TRAK1: variants seen among roughly 807,000 people sequenced by gnomAD.
TRAK1 encodes the protein trafficking kinesin-binding protein 1.
TRAK1 carries 33 observed loss-of-function variants against 92.1 expected under a neutral mutation model. That is an observed-to-expected ratio of 0.36 (90% CI 0.27 to 0.48). The LOEUF (loss-of-function observed/expected upper bound fraction) is 0.48, where lower values mean the gene tolerates loss of function less well. Ranked by LOEUF, TRAK1 falls within the 20% of genes least tolerant of loss-of-function variation. TRAK1 has a pLI of 0.99. For synonymous variants in TRAK1, 521 were observed against 517.3 expected, an observed-to-expected ratio of 1.01 and a Z score of -0.10; for missense variants, 1,123 against 1,257.9, an observed-to-expected ratio of 0.89 and a Z score of 1.62.
At chr3:42,124,379 G>A (rs1710292622) in intron 1 of TRAK1, among the ~76,000 whole-genome samples, 1 of 152,182 alleles carries the variant, frequency 6.6e-6, no homozygotes, top group Non-Finnish European at 1.5e-5. Context: ...GCCAGAATTA[G>A]TTGATAGATA....
chr3:42,181,566 G>A (rs1255841114), intron 3 of TRAK1, among the ~76,000 whole-genome samples: 1 of 152,080 alleles, frequency 6.6e-6, no homozygotes, highest in Non-Finnish European at 1.5e-5. Flanking sequence ...AAAATGTGGC[G>A]AAGGCATGCA....
At chr3:42,218,988 C>T (rs1331781348) in intron 14 of TRAK1, 2 of 985,278 alleles carry the variant, frequency 2.0e-6, no homozygotes, top group East Asian at 2.3e-4. Context: ...CCCCAGGCCC[C>T]TTTTTGTGTA....
intron 1 of TRAK1, among the ~76,000 whole-genome samples, chr3:42,122,153 A>G (rs980155476): frequency 6.6e-6 from 1 of 152,082 alleles, no homozygotes; most frequent in East Asian, 1.9e-4. Flanking sequence ...TCATAGCCTT[A>G]CCTTTTGATA....
intron 2 of TRAK1, among the ~76,000 whole-genome samples, chr3:42,159,256 G>T (rs1700960607): frequency 6.6e-6 from 1 of 152,120 alleles, no homozygotes; most frequent in Non-Finnish European, 1.5e-5. Context: ...TTGGCTACCT[G>T]GGGGAGGCAG....
chr3:42,082,223 G>A (rs73062448), upstream of TRAK1, among the ~76,000 whole-genome samples: 1,324 of 152,310 alleles, frequency 8.7e-3, 12 homozygotes, highest in Non-Finnish European at 0.012. Context: ...TATTGATCAT[G>A]ATTTAGGCCA....
chr3:42,149,517 C>T (rs1230557596), intron 2 of TRAK1: 3 of 1,536,092 alleles, frequency 2.0e-6, no homozygotes, highest in Middle Eastern at 1.7e-4. Context: ...CCATTCTTTC[C>T]TCTGCAAGAC....
At chr3:42,095,665 T>C (rs1033270894) in intron 1 of TRAK1, among the ~76,000 whole-genome samples, 4 of 152,222 alleles carry the variant, frequency 2.6e-5, no homozygotes, top group Non-Finnish European at 5.9e-5. Context: ...CACATACTAT[T>C]ACCTTATTCT....
chr3:42,031,847 TCAGGGAC>T (rs1447796290), intron 1 of TRAK1, among the ~76,000 whole-genome samples: 3 of 152,120 alleles, frequency 2.0e-5, no homozygotes, highest in Admixed American at 2.0e-4. Context: ...GATCAGAATT[TCAGGGAC>T]CAGGGAGAGT....
chr3:42,045,500 A>C (rs563149941), intron 1 of TRAK1, among the ~76,000 whole-genome samples: 1 of 151,944 alleles, frequency 6.6e-6, no homozygotes, highest in Non-Finnish European at 1.5e-5. Context: ...ATGCCACTAC[A>C]CTCTAGCTTG....
chr3:42,146,157 A>T (rs578069592), intron 2 of TRAK1: 2 of 386,986 alleles, frequency 5.2e-6, no homozygotes, highest in South Asian at 2.6e-5. Flanking sequence ...AAACCATTTC[A>T]TCTCAACAAG....
intron 1 of TRAK1, among the ~76,000 whole-genome samples, chr3:42,097,933 CTA>C (rs1206602141): frequency 6.6e-6 from 1 of 152,226 alleles, no homozygotes; most frequent in Non-Finnish European, 1.5e-5. Flanking sequence ...ATACTGACAA[CTA>C]TGTGAACACC....
At chr3:42,076,818 G>A (rs2148945336) in intron 1 of TRAK1, among the ~76,000 whole-genome samples, 1 of 152,304 alleles carries the variant, frequency 6.6e-6, no homozygotes, top group South Asian at 2.1e-4. Context: ...TGTGGCAGAA[G>A]GAAGGGGTCT....
At chr3:42,157,152 G>GA (rs778292703) in intron 2 of TRAK1, among the ~76,000 whole-genome samples, 188 of 139,392 alleles carry the variant, frequency 1.3e-3, no homozygotes, top group Middle Eastern at 3.6e-3. Context: ...ACTCTGTCTG[G>GA]AAAAAAAAAA....
chr3:42,208,672 G>A (rs571840558), intron 13 of TRAK1, among the ~76,000 whole-genome samples: 5 of 152,186 alleles, frequency 3.3e-5, no homozygotes, highest in Non-Finnish European at 7.3e-5. Context: ...CCTGCCTTTC[G>A]GTGCCCGAGA....
upstream of TRAK1, among the ~76,000 whole-genome samples, chr3:42,084,287 T>C (rs987213504): frequency 2.6e-5 from 4 of 152,162 alleles, no homozygotes; most frequent in Non-Finnish European, 5.9e-5. Context: ...CATCACTTAA[T>C]TGAAATAGAC....
At chr3:42,115,564 A>G (rs539614750) in intron 1 of TRAK1, among the ~76,000 whole-genome samples, 26 of 152,316 alleles carry the variant, frequency 1.7e-4, no homozygotes, top group African/African-American at 5.5e-4. Flanking sequence ...GTGGAACTCA[A>G]CTGTGTAATT....
At chr3:42,148,784 A>G (rs1469291662) in intron 2 of TRAK1, among the ~76,000 whole-genome samples, 4 of 152,200 alleles carry the variant, frequency 2.6e-5, no homozygotes, top group African/African-American at 7.2e-5. Context: ...AGTAATTTAC[A>G]TTTCCTTTAA....
rs1385576536 is a variant in TRAK1 at position 42,220,603 on chromosome 3, G to T, written c.2066+1007G>T. 4.1e-6 allele frequency: 4 copies of T among 985,306 alleles called. No homozygotes were observed. In the South Asian group the frequency reaches 1.4e-4, roughly 35 times the overall value. 61.0% of individuals were successfully genotyped at this position (985,306 alleles called of 1,614,324 possible). ...GGGCGAGGCAGGGGGTGAGCACACC[G>T]CCAGCAGTGCCTGCCCTGGCAGGGC... On this transcript the variant is annotated intron_variant, in intron 15 of 15. Coordinates refer to ENST00000327628, the MANE Select transcript of TRAK1 (RefSeq NM_001042646.3).
intron 1 of TRAK1, among the ~76,000 whole-genome samples, chr3:42,092,456 T>C (rs1705200538): frequency 6.6e-6 from 1 of 152,204 alleles, no homozygotes; most frequent in South Asian, 2.1e-4. Flanking sequence ...TTTTGTGTGT[T>C]GAAGCAGCGT....
Sources: allele counts gnomAD v4.1 joint callset (sites outside exome capture counted in the v4.1 genomes callset), GRCh38; gene constraint gnomAD v4.1.1; transcripts MANE v1.5; gene names NCBI Gene and HGNC (gene_info 2026-07-23, HGNC 2026-07-21).